PCDHA9: variants seen among roughly 807,000 people sequenced by gnomAD.
The protein encoded by PCDHA9 is protocadherin alpha 9.
PCDHA9 carries 62 observed loss-of-function variants against 62.0 expected under a neutral mutation model. The observed-to-expected ratio is 1.00, with a 90% CI of 0.81 to 1.23. The LOEUF (loss-of-function observed/expected upper bound fraction) is 1.23, where lower values mean the gene tolerates loss of function less well. PCDHA9 is among the 50% of genes most tolerant of loss of function. The pLI is 0.00. For missense variants in PCDHA9, 1,205 were observed against 1,249.8 expected (o/e 0.96, Z 0.54); for synonymous variants, 557 against 567.6 (o/e 0.98, Z 0.27).
At chr5:140,908,727 G>A (rs1388044565) in intron 1 of PCDHA9, among the ~76,000 whole-genome samples, 1 of 152,136 alleles carries the variant, frequency 6.6e-6, no homozygotes, top group Non-Finnish European at 1.5e-5. Context: ...GGGTCATATG[G>A]CTCGAGAAAC....
chr5:140,883,090 T>A (rs550322124), intron 1 of PCDHA9: 1 of 1,614,020 alleles, frequency 6.2e-7, no homozygotes, highest in East Asian at 2.2e-5. Flanking sequence ...ATGGTACAAA[T>A]GGAGATATAG....
chr5:140,905,632 G>GCCA (rs2071986222), intron 1 of PCDHA9, among the ~76,000 whole-genome samples: 1 of 152,106 alleles, frequency 6.6e-6, no homozygotes, highest in South Asian at 2.1e-4. Flanking sequence ...TGACAGTATG[G>GCCA]TCAGTTTCAC....
intron 1 of PCDHA9, among the ~76,000 whole-genome samples, chr5:140,944,623 T>C (rs535315515): frequency 6.6e-6 from 1 of 152,320 alleles, no homozygotes; most frequent in East Asian, 1.9e-4. Flanking sequence ...AGAAGTATAG[T>C]GTTGTAAGCC....
chr5:140,877,361 A>G, intron 1 of PCDHA9: 6 of 1,613,976 alleles, frequency 3.7e-6, no homozygotes, highest in Non-Finnish European at 5.1e-6. Context: ...TACACTGGCG[A>G]GATCAGCACG....
At chr5:140,933,651 C>G (rs2089301034) in intron 1 of PCDHA9, among the ~76,000 whole-genome samples, 1 of 151,824 alleles carries the variant, frequency 6.6e-6, no homozygotes, top group South Asian at 2.1e-4. Flanking sequence ...GTTGGAAATC[C>G]TGTCTCTCTC....
At chr5:140,969,293 C>A in intron 1 of PCDHA9, 1 of 1,614,186 alleles carries the variant, frequency 6.2e-7, no homozygotes, top group Non-Finnish European at 8.5e-7. Flanking sequence ...TGCTGGGAAC[C>A]TGATTATTCT....
chr5:141,010,073 T>C lies in PCDHA9; in HGVS notation c.*136T>C. On this transcript the variant is annotated 3_prime_UTR_variant, in exon 4 of 4. Coordinates refer to ENST00000532602, the MANE Select transcript of PCDHA9 (RefSeq NM_031857.2). ...CCTCAGAAATCTGCAGAAAGTTCCC[T>C]GTGTCTGTCTAGAACGCATTTAACA... 6.2e-7 allele frequency: 1 copy of C among 1,606,602 alleles called. No individual in the cohort carries two copies. The highest frequency in any genetic ancestry group is 1.7e-5 in the Admixed American group (1 of 59,096).
intron 1 of PCDHA9, chr5:140,968,169 G>A (rs781969621): frequency 6.8e-6 from 11 of 1,613,982 alleles, no homozygotes; most frequent in African/African-American, 1.3e-5. Context: ...AATCCACCAA[G>A]CTTCCTGGAG....
intron 3 of PCDHA9, among the ~76,000 whole-genome samples, chr5:140,988,762 C>T (rs546274253): frequency 6.6e-6 from 1 of 152,308 alleles, no homozygotes; most frequent in South Asian, 2.1e-4. Context: ...GGGCAGAATA[C>T]AGTCATGGTT....
At chr5:140,910,525 C>T (rs531874263) in intron 1 of PCDHA9, among the ~76,000 whole-genome samples, 2 of 152,258 alleles carry the variant, frequency 1.3e-5, no homozygotes, top group African/African-American at 4.8e-5. Context: ...GCAGGTACTC[C>T]CCTCACAAAT....
At chr5:140,873,260 G>A (rs1252265709) in intron 1 of PCDHA9, among the ~76,000 whole-genome samples, 2 of 152,146 alleles carry the variant, frequency 1.3e-5, no homozygotes, top group Non-Finnish European at 2.9e-5. Context: ...AGACTCAAAA[G>A]TGATTAAACC....
intron 1 of PCDHA9, chr5:140,857,163 G>A: frequency 1.3e-6 from 2 of 1,598,406 alleles, no homozygotes; most frequent in Non-Finnish European, 1.7e-6. Flanking sequence ...GCCCTAATCA[G>A]CGTTTCTGAC....
chr5:140,969,483 G>T (rs531496681), intron 1 of PCDHA9: 15 of 1,462,254 alleles, frequency 1.0e-5, no homozygotes, highest in Non-Finnish European at 1.3e-5. Context: ...ATCATAATCT[G>T]CTATTTCCTC....
chr5:140,923,557 A>C (rs1462470621), intron 1 of PCDHA9, among the ~76,000 whole-genome samples: 1 of 152,200 alleles, frequency 6.6e-6, no homozygotes, highest in African/African-American at 2.4e-5. Context: ...AATATCAGCA[A>C]TGAAAGGTCC....
intron 1 of PCDHA9, chr5:140,968,491 T>C: frequency 6.2e-7 from 1 of 1,614,130 alleles, no homozygotes; most frequent in Non-Finnish European, 8.5e-7. Flanking sequence ...TGAATGACCA[T>C]GCCCCTCACA....
intron 1 of PCDHA9, chr5:140,854,159 C>CA (rs59855104): frequency 0.067 from 22,471 of 337,648 alleles, 281 homozygotes; most frequent in African/African-American, 0.075. Flanking sequence ...GATTCTGTCT[C>CA]AAAAAAAAAA....
At chr5:140,985,227 G>A (rs557750656) in intron 3 of PCDHA9, among the ~76,000 whole-genome samples, 5 of 152,206 alleles carry the variant, frequency 3.3e-5, no homozygotes, top group Non-Finnish European at 2.9e-5. Flanking sequence ...GTGAGCCACC[G>A]CGCCTGGCCT....
At chr5:140,860,395 G>C (rs1369632482) in intron 1 of PCDHA9, 2 of 151,922 alleles carry the variant, frequency 1.3e-5, no homozygotes, top group African/African-American at 4.8e-5. Context: ...ATTGAAAAAA[G>C]CAAAAGCAAT....
chr5:140,961,694 G>A (rs1554225551), intron 1 of PCDHA9, among the ~76,000 whole-genome samples: 2 of 152,152 alleles, frequency 1.3e-5, no homozygotes, highest in Non-Finnish European at 2.9e-5. Flanking sequence ...GTAGTCCTTA[G>A]TATGAATGCC....
Sources: allele counts gnomAD v4.1 joint callset (sites outside exome capture counted in the v4.1 genomes callset), GRCh38; gene constraint gnomAD v4.1.1; transcripts MANE v1.5; gene names NCBI Gene and HGNC (gene_info 2026-07-23, HGNC 2026-07-21).